MED12L: variants seen among roughly 807,000 people sequenced by gnomAD.
MED12L encodes the protein mediator complex subunit 12L.
Under a neutral mutation model 281.3 loss-of-function variants are expected in MED12L, and 60 were observed. The observed-to-expected ratio is 0.21, with a 90% confidence interval of 0.17 to 0.26. The LOEUF (loss-of-function observed/expected upper bound fraction) is 0.26, where lower values mean the gene tolerates loss of function less well. Ranked by LOEUF, MED12L falls within the 10% of genes least tolerant of loss-of-function variation. MED12L has a pLI of 1.00. For missense variants in MED12L, 2,146 were observed against 2,680.9 expected (o/e 0.80, Z 4.41); for synonymous variants, 974 against 987.2 (o/e 0.99, Z 0.25).
At chr3:151,143,242 T>G (rs545145023) in intron 5 of MED12L, among the ~76,000 whole-genome samples, 8 of 152,320 alleles carry the variant, frequency 5.3e-5, no homozygotes, top group African/African-American at 1.9e-4. Context: ...ATGATGTCTG[T>G]CGTATTTGTG....
rs770855729 is a variant in MED12L, at chr3:151,416,383, G to A, written c.6369G>A (p.Gln2123=). Residue 2123 remains glutamine, a synonymous_variant, in exon 43 of 45, where the codon CAG becomes CAA. Coordinates refer to ENST00000687756, the MANE Select transcript of MED12L (RefSeq NM_001393769.1). The part of the protein sequence containing the change: ...QPQQSSQSQS[Q]TLGLQAMQPQ... ...AGCAGTCCTCGCAGTCCCAGAGTCAGACCCTTGGTCTCCAAGCAATGCAGC... is the reference window on the plus strand; with the variant it reads ...AGCAGTCCTCGCAGTCCCAGAGTCAAACCCTTGGTCTCCAAGCAATGCAGC... The A allele has an allele frequency of 3.7e-6, 6 of 1,604,278 alleles. No individual in the cohort carries two copies. The highest frequency in any genetic ancestry group is 3.4e-5 in the Admixed American group (2 of 59,606).
chr3:151,349,008 G>A (rs1399132206), intron 16 of MED12L, among the ~76,000 whole-genome samples: 2 of 152,230 alleles, frequency 1.3e-5, no homozygotes, highest in Non-Finnish European at 2.9e-5. Flanking sequence ...GTTGGGAAGG[G>A]TAAGTGCTTG....
At chr3:151,171,821 T>C (rs1033338359) in intron 11 of MED12L, among the ~76,000 whole-genome samples, 2 of 152,224 alleles carry the variant, frequency 1.3e-5, no homozygotes, top group Non-Finnish European at 2.9e-5. Flanking sequence ...GCTCGCTTTC[T>C]GTCAGTGCTG....
chr3:151,379,215 T>C lies in MED12L; in HGVS notation c.4479-898T>C, dbSNP rs201048966. ...CTAATTTTCAAATCATATTTGCTGATAGGTGAGTGTATGTGCATTGCCTAA... is the reference window on the plus strand; with the variant it reads ...CTAATTTTCAAATCATATTTGCTGACAGGTGAGTGTATGTGCATTGCCTAA... On this transcript the variant is annotated intron_variant, in intron 31 of 44. Transcript: ENST00000687756. Among the ~76,000 whole-genome samples, 75 of 152,342 alleles carry C rather than the reference T, an allele frequency of 4.9e-4. No homozygotes were observed. In the East Asian group the frequency reaches 7.7e-3, roughly 16 times the overall value.
chr3:151,328,920 C>G, intron 16 of MED12L: 1 of 1,613,878 alleles, frequency 6.2e-7, no homozygotes, highest in Non-Finnish European at 8.5e-7. Context: ...GCTGGGAATA[C>G]CAGCTGTACT....
In MED12L at chr3:151,377,398, A is replaced by T. The variant is rs1413944625; in HGVS notation, c.4316+220A>T. On this transcript the variant is annotated intron_variant, in intron 30 of 44. Coordinates refer to ENST00000687756, the MANE Select transcript of MED12L (RefSeq NM_001393769.1). ...CTTAAACACCTTGAAACTGCAGGTG[A>T]ACTCAGGTTTGGTTCATGCTTTCAG... is the stretch of plus-strand genomic sequence containing the variant. Among the ~76,000 whole-genome samples the T allele has an allele frequency of 2.0e-5, 3 of 152,206 alleles. No homozygotes were observed. In the East Asian group the frequency reaches 5.8e-4, roughly 29 times the overall value.
At position 151,254,261 on chromosome 3, in the gene MED12L, G is replaced by A. The variant is rs540526870; in HGVS notation, c.2250+60595G>A. Among the ~76,000 whole-genome samples the A allele has an allele frequency of 9.2e-5, 14 of 152,176 alleles. No individual in the cohort carries two copies. The East Asian group carries it at 2.5e-3, about 27-fold the overall frequency. On this transcript the variant is annotated intron_variant, in intron 16 of 44. Coordinates refer to ENST00000687756, the MANE Select transcript of MED12L (RefSeq NM_001393769.1). The stretch of plus-strand genomic sequence containing the variant: ...GATGAGGATTTAGCTCACTGTGCAC[G>A]TTTCCCTTTACCAGATAATTATGTC...
intron 21 of MED12L, among the ~76,000 whole-genome samples, chr3:151,361,609 A>T (rs928275132): frequency 6.6e-6 from 1 of 152,126 alleles, no homozygotes; most frequent in Non-Finnish European, 1.5e-5. Context: ...TTGTATTTTT[A>T]TAAATATTTT....
intron 5 of MED12L, among the ~76,000 whole-genome samples, chr3:151,132,549 T>G (rs1715543308): frequency 1.3e-5 from 2 of 152,198 alleles, no homozygotes; most frequent in African/African-American, 4.8e-5. Context: ...GTGTATCATA[T>G]CCCAATACTG....
intron 36 of MED12L, among the ~76,000 whole-genome samples, chr3:151,386,339 A>G (rs1351926260): frequency 6.6e-6 from 1 of 152,184 alleles, no homozygotes; most frequent in Non-Finnish European, 1.5e-5. Flanking sequence ...ATATTAGGAA[A>G]CAGTCAATTT....
chr3:151,255,737 G>A (rs1737697914), intron 16 of MED12L, among the ~76,000 whole-genome samples: 1 of 152,172 alleles, frequency 6.6e-6, no homozygotes, highest in Admixed American at 6.5e-5. Flanking sequence ...GACAAAGTCA[G>A]GATTAGATTA....
At chr3:151,301,840 T>G (rs914840508) in intron 16 of MED12L, among the ~76,000 whole-genome samples, 5 of 152,246 alleles carry the variant, frequency 3.3e-5, no homozygotes, top group African/African-American at 1.2e-4. Flanking sequence ...GGAAAGAGTT[T>G]GGCAGTTTCT....
intron 16 of MED12L, among the ~76,000 whole-genome samples, chr3:151,284,834 C>T (rs539533386): frequency 2.0e-5 from 3 of 152,140 alleles, no homozygotes; most frequent in South Asian, 2.1e-4. Context: ...TCTCGAACTC[C>T]CGACCTCAGG....
chr3:151,300,324 A>G, intron 16 of MED12L: 2 of 585,742 alleles, frequency 3.4e-6, no homozygotes, highest in Non-Finnish European at 6.1e-6. Flanking sequence ...TTGGAGATGA[A>G]CACCTGGGCC....
At chr3:151,424,533 G>A (rs1718635475) in intron 43 of MED12L, among the ~76,000 whole-genome samples, 1 of 152,092 alleles carries the variant, frequency 6.6e-6, no homozygotes, top group South Asian at 2.1e-4. Context: ...GCAGGAGAAT[G>A]GCGTGAACCC....
rs71848482 is a variant in MED12L at position 151,334,192 on chromosome 3, C to CTTTTTTTTTTTTTTTTTTTT, written c.2251-15864_2251-15863insTTTTTTTTTTTTTTTTTTTT. On this transcript the variant is annotated intron_variant, in intron 16 of 44. Transcript: ENST00000687756. Reference sequence around the variant, plus strand: ...GATGTTATGTGTTTTTTCTTTCTTTCTTTCTTTTTTTTTTTGCCATTTCTA... The same window carrying CTTTTTTTTTTTTTTTTTTTT: ...GATGTTATGTGTTTTTTCTTTCTTTCTTTTTTTTTTTTTTTTTTTTTTTCTTTTTTTTTTTGCCATTTCTA... 6.7e-4 allele frequency among the ~76,000 whole-genome samples: 67 copies of CTTTTTTTTTTTTTTTTTTTT among 99,414 alleles called. 6 individuals carry two copies. Among genetic ancestry groups the CTTTTTTTTTTTTTTTTTTTT allele is most frequent in the Middle Eastern group, 7.2e-3 (1 of 138 alleles). 65.2% of individuals were successfully genotyped at this position (99,414 alleles called of 152,430 possible). A position where few individuals can be genotyped will look rare whatever the true frequency, so the allele number is the denominator to read the frequency against.
At chr3:151,257,553 T>A (rs1738058713) in intron 16 of MED12L, among the ~76,000 whole-genome samples, 1 of 152,266 alleles carries the variant, frequency 6.6e-6, no homozygotes, top group Non-Finnish European at 1.5e-5. Context: ...TTCAGAATAC[T>A]GTTGTGAGGA....
At chr3:151,249,954 C>T (rs1736512917) in intron 16 of MED12L, among the ~76,000 whole-genome samples, 1 of 152,102 alleles carries the variant, frequency 6.6e-6, no homozygotes, top group Non-Finnish European at 1.5e-5. Context: ...TCCTTCTGTC[C>T]TAGAGAGGCA....
At chr3:151,264,519 A>G (rs1307815807) in intron 16 of MED12L, among the ~76,000 whole-genome samples, 1 of 152,236 alleles carries the variant, frequency 6.6e-6, no homozygotes, top group African/African-American at 2.4e-5. Context: ...GCACATCTCT[A>G]AGATAACCAT....
Sources: allele counts gnomAD v4.1 joint callset (sites outside exome capture counted in the v4.1 genomes callset), GRCh38; gene constraint gnomAD v4.1.1; transcripts MANE v1.5; gene names NCBI Gene and HGNC (gene_info 2026-07-23, HGNC 2026-07-21).